Variants in SLC35F3 observed in about 807,000 individuals in gnomAD.
SLC35F3 encodes solute carrier family 35 member F3, also known as putative thiamine transporter SLC35F3.
A neutral mutation model predicts 49.9 loss-of-function variants in SLC35F3; 25 were observed. The observed-to-expected ratio is 0.50, with a 90% confidence interval of 0.37 to 0.70. SLC35F3 has a LOEUF of 0.70. SLC35F3 is among the 30% of genes least tolerant of loss of function. The probability of loss-of-function intolerance (pLI) is 0.00; values close to 1 mark genes in which losing one functional copy is unlikely to be tolerated. For synonymous variants in SLC35F3, 275 were observed against 265.4 expected, an observed-to-expected ratio of 1.04 and a Z score of -0.35; for missense variants, 525 against 639.8, an observed-to-expected ratio of 0.82 and a Z score of 1.94.
chr1:234,189,904 G>T (rs549846470), intron 2 of SLC35F3, among the ~76,000 whole-genome samples: 2 of 152,298 alleles, frequency 1.3e-5, no homozygotes, highest in East Asian at 3.9e-4. Context: ...AGGGATTGGG[G>T]CCCTATATTC....
At chr1:233,963,016 A>T (rs10797508) in intron 2 of SLC35F3, among the ~76,000 whole-genome samples, 82,729 of 152,008 alleles carry the variant, frequency 0.54, 22,713 homozygotes, top group African/African-American at 0.59. Context: ...CATGATGGGG[A>T]TGTGTCCCAG....
chr1:234,140,936 T>TA (rs1270731370), intron 2 of SLC35F3, among the ~76,000 whole-genome samples: 2 of 152,198 alleles, frequency 1.3e-5, no homozygotes, highest in Non-Finnish European at 2.9e-5. Context: ...CCTTGATGTG[T>TA]ATGCTTGAAA....
chr1:234,281,496 GTCAGTCTCCATCCATTATGAGCACTTTT>G (rs1668324746), intron 3 of SLC35F3, among the ~76,000 whole-genome samples: 2 of 152,208 alleles, frequency 1.3e-5, no homozygotes, highest in Non-Finnish European at 2.9e-5. Flanking sequence ...GTGGATCAAA[GTCAGTCTCCATCCATTATGAGCACTTTT>G]TCATTGGAAA....
chr1:234,069,828 A>G (rs1664686092), intron 2 of SLC35F3, among the ~76,000 whole-genome samples: 1 of 152,126 alleles, frequency 6.6e-6, no homozygotes, highest in Admixed American at 6.5e-5. Context: ...CCTGATGGGC[A>G]CCATGCTCAG....
chr1:234,121,553 C>CT (rs200950757), intron 2 of SLC35F3, among the ~76,000 whole-genome samples: 7 of 151,072 alleles, frequency 4.6e-5, no homozygotes, highest in Non-Finnish European at 7.4e-5. Context: ...ATTAAAGAAG[C>CT]TTTTTTTTTC....
At chr1:234,310,500 C>T (rs1657325950) in intron 4 of SLC35F3, among the ~76,000 whole-genome samples, 1 of 152,222 alleles carries the variant, frequency 6.6e-6, no homozygotes, top group Non-Finnish European at 1.5e-5. Context: ...AACTCACTCT[C>T]TGTGCCACCA....
At chr1:234,014,105 A>G (rs1193543735) in intron 2 of SLC35F3, among the ~76,000 whole-genome samples, 1 of 152,182 alleles carries the variant, frequency 6.6e-6, no homozygotes, top group African/African-American at 2.4e-5. Context: ...AAATACCAGC[A>G]AACAATTCAA....
At chr1:234,092,967 CCT>C (rs1172395780) in intron 2 of SLC35F3, among the ~76,000 whole-genome samples, 4 of 152,178 alleles carry the variant, frequency 2.6e-5, no homozygotes, top group African/African-American at 9.7e-5. Context: ...TCCACCACTC[CCT>C]GTTTCATTCA....
At chr1:234,173,623 CAGA>C (rs1666433140) in intron 2 of SLC35F3, among the ~76,000 whole-genome samples, 2 of 152,174 alleles carry the variant, frequency 1.3e-5, no homozygotes, top group Admixed American at 1.3e-4. Flanking sequence ...TCAGGCAGCA[CAGA>C]AGATTCATTA....
At chr1:234,054,981 T>C (rs1217308994) in intron 2 of SLC35F3, among the ~76,000 whole-genome samples, 2 of 152,170 alleles carry the variant, frequency 1.3e-5, no homozygotes, top group Non-Finnish European at 2.9e-5. Context: ...ACGGCAAATG[T>C]TGCTACCTGA....
chr1:234,204,164 A>G (rs1051766526), intron 2 of SLC35F3, among the ~76,000 whole-genome samples: 3 of 152,186 alleles, frequency 2.0e-5, no homozygotes, highest in Admixed American at 2.0e-4. Context: ...TAAAACTTAG[A>G]TGAACATCTT....
chr1:234,232,547 G>GAA lies in SLC35F3; in HGVS notation c.608+812_608+813dup, dbSNP rs1475310913. Among the ~76,000 whole-genome samples the GAA allele has an allele frequency of 8.6e-3, 1,126 of 130,454 alleles. 10 individuals are homozygous for GAA. Among genetic ancestry groups the GAA allele is most frequent in the African/African-American group, 0.03 (1,009 of 34,070 alleles). The allele number at this position is 130,454 out of a possible 152,430, so 85.6% of individuals were successfully genotyped here. ...AAAAAAAAAAAAAAAAAAAGAAAAAGAAAAAAAGAAACAGAAATGAATGCT... is the reference window on the plus strand; with the variant it reads ...AAAAAAAAAAAAAAAAAAAGAAAAAGAAAAAAAAAGAAACAGAAATGAATGCT... On this transcript the variant is annotated intron_variant, in intron 3 of 7. Transcript: ENST00000366618.
At chr1:234,285,432 A>T (rs557046668) in intron 3 of SLC35F3, 2 of 438,640 alleles carry the variant, frequency 4.6e-6, no homozygotes, top group Admixed American at 2.6e-5. Flanking sequence ...GCTTGTTTCC[A>T]GCTCAGCAGG....
chr1:233,908,859 A>T (rs1355103910), intron 2 of SLC35F3, among the ~76,000 whole-genome samples: 1 of 148,224 alleles, frequency 6.7e-6, no homozygotes, highest in Non-Finnish European at 1.5e-5. Context: ...TTCCCCAAAT[A>T]ATAGTATTTT....
intron 2 of SLC35F3, among the ~76,000 whole-genome samples, chr1:233,985,720 C>A (rs967854108): frequency 1.3e-5 from 2 of 152,140 alleles, no homozygotes; most frequent in Non-Finnish European, 2.9e-5. Flanking sequence ...TTTTAAATGA[C>A]CATGTTGGAT....
At chr1:234,055,199 A>C (rs933181525) in intron 2 of SLC35F3, among the ~76,000 whole-genome samples, 2 of 152,082 alleles carry the variant, frequency 1.3e-5, no homozygotes, top group African/African-American at 4.8e-5. Context: ...AAGTCTGCAG[A>C]AGTTTCTGTT....
At chr1:234,224,045 T>A (rs1278107011) in intron 2 of SLC35F3, among the ~76,000 whole-genome samples, 1 of 132,736 alleles carries the variant, frequency 7.5e-6, no homozygotes, top group Non-Finnish European at 1.5e-5. Context: ...TTTAACCTTT[T>A]TCGGTTTTTT....
At chr1:234,309,355 C>T (rs1572146571) in intron 4 of SLC35F3, 35 bp downstream of exon 4, 1 of 1,596,148 alleles carries the variant, frequency 6.3e-7, no homozygotes, top group Middle Eastern at 1.8e-4. Context: ...CTCCCTCACT[C>T]AGTCATGTCA....
intron 2 of SLC35F3, among the ~76,000 whole-genome samples, chr1:234,023,348 T>C (rs1663927602): frequency 6.6e-6 from 1 of 152,066 alleles, no homozygotes; most frequent in African/African-American, 2.4e-5. Context: ...AAAGCATTGA[T>C]GAGGGTATGT....
Sources: gnomAD v4.1 joint callset for allele counts (sites outside exome capture counted in the v4.1 genomes callset) on GRCh38, gnomAD v4.1.1 for gene constraint, MANE v1.5 for transcripts, NCBI Gene and HGNC (gene_info 2026-07-23, HGNC 2026-07-21) for gene names.